Variants in HS2ST1 observed in about 807,000 individuals in gnomAD.
The protein encoded by HS2ST1 is heparan sulfate 2-O-sulfotransferase 1, also known as 2-O-sulfotransferase.
Under a neutral mutation model 42.9 loss-of-function variants are expected in HS2ST1, and 18 were observed. That is an observed-to-expected ratio of 0.42 (90% CI 0.29 to 0.62). The LOEUF is 0.62. Among genes scored for constraint, HS2ST1 ranks in the 20% least tolerant of loss-of-function variants. The probability of loss-of-function intolerance (pLI) is 0.21; values close to 1 mark genes in which losing one functional copy is unlikely to be tolerated. For missense variants in HS2ST1, 334 were observed against 433.8 expected, an observed-to-expected ratio of 0.77 and a Z score of 2.04; for synonymous variants, 146 against 152.9, an observed-to-expected ratio of 0.95 and a Z score of 0.33.
rs971547646 is a variant in HS2ST1 at position 87,105,483 on chromosome 1, G to T, written c.*787G>T. The T allele has an allele frequency of 6.6e-6, 1 of 152,188 alleles. No homozygotes were observed. The highest frequency in any genetic ancestry group is 2.4e-5 in the African/African-American group (1 of 41,426). The allele number at this position is 152,188 out of a possible 1,614,324, so 9.4% of individuals were successfully genotyped here. On this transcript the variant is annotated 3_prime_UTR_variant, in exon 7 of 7. Transcript: ENST00000370550. The stretch of plus-strand genomic sequence containing the variant: ...GTATTTGTTTCTCCATGGGTTATTT[G>T]TAAAGCTGTAAACTGAGATATCGGT...
chr1:86,964,431 C>G (rs1423722062), intron 1 of HS2ST1, among the ~76,000 whole-genome samples: 1 of 152,258 alleles, frequency 6.6e-6, no homozygotes, highest in East Asian at 1.9e-4. Context: ...CGGTTAGGAG[C>G]TGGAGACCAG....
intron 1 of HS2ST1, among the ~76,000 whole-genome samples, chr1:86,916,773 C>T (rs1660167390): frequency 6.6e-6 from 1 of 150,708 alleles, no homozygotes; most frequent in African/African-American, 2.5e-5. Context: ...AAAAAGACTC[C>T]TCTTGAAGTG....
chr1:86,964,018 G>T (rs1196587535), intron 1 of HS2ST1, among the ~76,000 whole-genome samples: 2 of 148,366 alleles, frequency 1.3e-5, no homozygotes. Context: ...GGGCAGAGAC[G>T]CTCCTCACCT....
At chr1:86,927,580 A>T (rs1660449110) in intron 1 of HS2ST1, among the ~76,000 whole-genome samples, 1 of 152,196 alleles carries the variant, frequency 6.6e-6, no homozygotes, top group African/African-American at 2.4e-5. Context: ...AATTCGTGAC[A>T]TAGCTAGAAA....
At chr1:87,057,829 C>T (rs980795207) in intron 1 of HS2ST1, among the ~76,000 whole-genome samples, 9 of 150,792 alleles carry the variant, frequency 6.0e-5, no homozygotes, top group Non-Finnish European at 1.2e-4. Flanking sequence ...CCAGCCTGGG[C>T]GACAGAGCGA....
intron 1 of HS2ST1, among the ~76,000 whole-genome samples, chr1:86,927,222 T>C (rs1444007552): frequency 6.6e-6 from 1 of 152,234 alleles, no homozygotes; most frequent in Non-Finnish European, 1.5e-5. Flanking sequence ...ATAGTAGTTA[T>C]ATTCAATATG....
At chr1:87,052,079 C>T (rs1297134336) in intron 1 of HS2ST1, among the ~76,000 whole-genome samples, 3 of 152,028 alleles carry the variant, frequency 2.0e-5, no homozygotes, top group Middle Eastern at 3.2e-3. Flanking sequence ...ATGCTGAAAC[C>T]CTGTATCTAC....
chr1:87,091,180 A>G (rs746964871), intron 3 of HS2ST1, among the ~76,000 whole-genome samples: 1 of 152,006 alleles, frequency 6.6e-6, no homozygotes, highest in Non-Finnish European at 1.5e-5. Context: ...ATATCTGGCA[A>G]TATTGGGTTC....
intron 1 of HS2ST1, among the ~76,000 whole-genome samples, chr1:87,054,683 G>A (rs1650917484): frequency 6.6e-6 from 1 of 152,070 alleles, no homozygotes; most frequent in African/African-American, 2.4e-5. Flanking sequence ...ATCTAGGTAG[G>A]GCCATATGAC....
At chr1:87,052,613 T>G (rs1277796361) in intron 1 of HS2ST1, among the ~76,000 whole-genome samples, 2 of 152,154 alleles carry the variant, frequency 1.3e-5, no homozygotes, top group Non-Finnish European at 2.9e-5. Context: ...TGACTAGCCT[T>G]AGGAGACGTA....
intron 1 of HS2ST1, among the ~76,000 whole-genome samples, chr1:87,067,468 G>C (rs571787080): frequency 1.2e-4 from 19 of 152,124 alleles, no homozygotes; most frequent in African/African-American, 3.4e-4. Context: ...CTGGGTATTA[G>C]CCCTTTGTCA....
Position 86,960,901 on chromosome 1 carries a change from C to A in HS2ST1, c.124+45741C>A, listed in dbSNP as rs562582339. 9.9e-5 allele frequency among the ~76,000 whole-genome samples: 15 copies of A among 152,234 alleles called. No individual in the cohort carries two copies. In the East Asian group the frequency reaches 2.9e-3, roughly 29 times the overall value. On this transcript the variant is annotated intron_variant, in intron 1 of 6. Transcript: ENST00000370550. ...AACATATTCTTACCATATGATCCAG[C>A]AGTCATGTTCCTTGGTGTTTATCCA...
At chr1:87,083,738 G>C (rs1397049432) in intron 2 of HS2ST1, among the ~76,000 whole-genome samples, 1 of 151,668 alleles carries the variant, frequency 6.6e-6, no homozygotes, top group Non-Finnish European at 1.5e-5. Flanking sequence ...AAATCATTTT[G>C]GTTTTAAATA....
intron 1 of HS2ST1, among the ~76,000 whole-genome samples, chr1:86,978,051 C>T (rs556227748): frequency 3.9e-5 from 6 of 152,246 alleles, no homozygotes; most frequent in African/African-American, 1.2e-4. Flanking sequence ...TTTTCTATGC[C>T]TAGATACACA....
chr1:87,023,713 G>T (rs1266390990), intron 1 of HS2ST1, among the ~76,000 whole-genome samples: 1 of 152,010 alleles, frequency 6.6e-6, no homozygotes, highest in African/African-American at 2.4e-5. Flanking sequence ...TGGGATAGAT[G>T]AATGTGTCTT....
At chr1:86,977,872 T>G (rs1227164720) in intron 1 of HS2ST1, among the ~76,000 whole-genome samples, 1 of 152,204 alleles carries the variant, frequency 6.6e-6, no homozygotes, top group Non-Finnish European at 1.5e-5. Flanking sequence ...AAGGAAAGTT[T>G]GGGTCATTGA....
chr1:87,050,599 A>G (rs1274765738), intron 1 of HS2ST1, among the ~76,000 whole-genome samples: 4 of 152,062 alleles, frequency 2.6e-5, no homozygotes, highest in African/African-American at 7.2e-5. Context: ...TTGCTTTCTA[A>G]TATCTTCTGT....
At chr1:86,985,912 C>A (rs1648770675) in intron 1 of HS2ST1, among the ~76,000 whole-genome samples, 1 of 152,014 alleles carries the variant, frequency 6.6e-6, no homozygotes, top group Admixed American at 6.6e-5. Flanking sequence ...GAATTGACAC[C>A]TGTGTTTTTG....
intron 1 of HS2ST1, among the ~76,000 whole-genome samples, chr1:87,041,046 T>A (rs1198839111): frequency 6.6e-6 from 1 of 152,040 alleles, no homozygotes; most frequent in Non-Finnish European, 1.5e-5. Flanking sequence ...TTAGATTCAT[T>A]TTTTACCTTT....
Sources: allele counts gnomAD v4.1 joint callset (sites outside exome capture counted in the v4.1 genomes callset), GRCh38; gene constraint gnomAD v4.1.1; transcripts MANE v1.5; gene names NCBI Gene and HGNC (gene_info 2026-07-23, HGNC 2026-07-21).